The following RAD51B variants were observed in gnomAD, a reference collection of about 807,000 sequenced individuals.
RAD51B encodes the protein RAD51 paralog B, also known as DNA repair protein RAD51 homolog 2.
A neutral mutation model predicts 42.2 loss-of-function variants in RAD51B; 38 were observed. That is an observed-to-expected ratio of 0.90 (90% CI 0.70 to 1.18). The LOEUF (loss-of-function observed/expected upper bound fraction) is 1.18, where lower values mean the gene tolerates loss of function less well. RAD51B is among the 50% of genes most tolerant of loss of function. RAD51B has a pLI of 0.00. For missense variants in RAD51B, 373 were observed against 400.7 expected (o/e 0.93, Z 0.59); for synonymous variants, 154 against 145.2 (o/e 1.06, Z -0.43).
At chr14:67,970,367 A>G (rs1163086112) in intron 7 of RAD51B, among the ~76,000 whole-genome samples, 2 of 152,168 alleles carry the variant, frequency 1.3e-5, no homozygotes, top group Admixed American at 6.5e-5. Context: ...TAGGTAGAAC[A>G]GTGCTAAAAA....
chr14:68,524,729 A>G (rs1321272096), intron 10 of RAD51B, among the ~76,000 whole-genome samples: 2 of 152,230 alleles, frequency 1.3e-5, no homozygotes, highest in Non-Finnish European at 2.9e-5. Flanking sequence ...AGGTTCTGAC[A>G]GGGAGCAGAA....
chr14:68,064,423 C>T (rs764569369), intron 7 of RAD51B, among the ~76,000 whole-genome samples: 6 of 152,098 alleles, frequency 3.9e-5, no homozygotes, highest in South Asian at 2.1e-4. Flanking sequence ...TAATGTGCCT[C>T]GGAGAGGACC....
chr14:68,202,957 C>T (rs990967508), intron 7 of RAD51B, among the ~76,000 whole-genome samples: 2 of 152,122 alleles, frequency 1.3e-5, no homozygotes, highest in Non-Finnish European at 2.9e-5. Context: ...ACTTCTAATT[C>T]TAGTTCTTTT....
At chr14:68,153,100 C>T (rs747340528) in intron 7 of RAD51B, among the ~76,000 whole-genome samples, 1 of 152,052 alleles carries the variant, frequency 6.6e-6, no homozygotes, top group Non-Finnish European at 1.5e-5. Context: ...GATTTATATT[C>T]CTTTGGGTAT....
intron 8 of RAD51B, 84 bp from the exon 9 acceptor site, chr14:68,411,340 G>C (rs971543907): frequency 1.4e-5 from 16 of 1,125,980 alleles, no homozygotes; most frequent in Non-Finnish European, 2.0e-5. Flanking sequence ...CTGGACTACT[G>C]GCAATGAGTA....
intron 7 of RAD51B, among the ~76,000 whole-genome samples, chr14:67,947,570 A>G (rs1054542831): frequency 5.9e-5 from 9 of 152,132 alleles, no homozygotes; most frequent in African/African-American, 1.9e-4. Context: ...AGTTGTTTTT[A>G]TATTCATAAT....
chr14:67,907,719 A>C (rs2043823940), intron 7 of RAD51B, among the ~76,000 whole-genome samples: 1 of 152,090 alleles, frequency 6.6e-6, no homozygotes, highest in South Asian at 2.1e-4. Context: ...TTACAGGGAG[A>C]GAATATGTCC....
At chr14:68,100,524 C>T (rs541282371) in intron 7 of RAD51B, among the ~76,000 whole-genome samples, 5 of 152,212 alleles carry the variant, frequency 3.3e-5, no homozygotes, top group African/African-American at 1.2e-4. Flanking sequence ...ACTTTCATTA[C>T]GGCCTGGTCT....
At chr14:68,290,079 G>T (rs965170396) in intron 7 of RAD51B, among the ~76,000 whole-genome samples, 2 of 152,172 alleles carry the variant, frequency 1.3e-5, no homozygotes, top group African/African-American at 4.8e-5. Flanking sequence ...GATTTATAAT[G>T]TGTCACTGGT....
chr14:68,445,827 G>A (rs78313900), intron 9 of RAD51B, among the ~76,000 whole-genome samples: 1 of 152,292 alleles, frequency 6.6e-6, no homozygotes, highest in African/African-American at 2.4e-5. Flanking sequence ...TGATTGACTT[G>A]GTGAATGAGA....
intron 7 of RAD51B, among the ~76,000 whole-genome samples, chr14:67,947,449 C>T (rs2045434279): frequency 6.6e-6 from 1 of 152,122 alleles, no homozygotes; most frequent in Admixed American, 6.5e-5. Context: ...TTCGGTTTAC[C>T]TTGTGTCCTT....
At position 68,075,872 on chromosome 14, in the gene RAD51B, C is replaced by G. The variant is rs112807772; in HGVS notation, c.756+188668C>G. Reference sequence around the variant, plus strand: ...GCAAAGCCCTTTGTTCCTTCCCCAGCCTAGAGCAATAAGGGCAGTCCTGCT... The same window carrying G: ...GCAAAGCCCTTTGTTCCTTCCCCAGGCTAGAGCAATAAGGGCAGTCCTGCT... On this transcript the variant is annotated intron_variant, in intron 7 of 10. Transcript: ENST00000471583. Among the ~76,000 whole-genome samples the G allele has an allele frequency of 1.6e-3, 250 of 152,336 alleles. 1 individual carries two copies. Among genetic ancestry groups the G allele is most frequent in the African/African-American group, 5.9e-3 (244 of 41,576 alleles).
chr14:68,564,800 C>T (rs1889341097), intron 10 of RAD51B, among the ~76,000 whole-genome samples: 2 of 152,202 alleles, frequency 1.3e-5, no homozygotes. Flanking sequence ...CTGGCATCTC[C>T]CACTGAAAGA....
At chr14:67,901,532 A>C (rs1037593285) in intron 7 of RAD51B, among the ~76,000 whole-genome samples, 2 of 152,170 alleles carry the variant, frequency 1.3e-5, no homozygotes, top group Non-Finnish European at 2.9e-5. Flanking sequence ...CTGTTGAACA[A>C]TAGACCTCTC....
intron 9 of RAD51B, among the ~76,000 whole-genome samples, chr14:68,458,861 G>GT (rs1437442485): frequency 6.6e-6 from 1 of 152,092 alleles, no homozygotes; most frequent in Non-Finnish European, 1.5e-5. Flanking sequence ...TTCCAGCACT[G>GT]TATTACTTCT....
intron 7 of RAD51B, among the ~76,000 whole-genome samples, chr14:68,229,156 T>C (rs2140979024): frequency 6.6e-6 from 1 of 152,344 alleles, no homozygotes; most frequent in Middle Eastern, 3.4e-3. Context: ...AGTTGAAAGT[T>C]CATTTGTAAA....
At chr14:67,916,438 C>T (rs943312973) in intron 7 of RAD51B, among the ~76,000 whole-genome samples, 8 of 152,156 alleles carry the variant, frequency 5.3e-5, no homozygotes, top group East Asian at 1.9e-4. Flanking sequence ...GACGGGGTTT[C>T]GCCATGTTGC....
chr14:68,281,100 T>C (rs2081311942), intron 7 of RAD51B, among the ~76,000 whole-genome samples: 1 of 151,056 alleles, frequency 6.6e-6, no homozygotes, highest in Non-Finnish European at 1.5e-5. Context: ...AAGTAAAGTA[T>C]GAGTATTAAG....
intron 7 of RAD51B, among the ~76,000 whole-genome samples, chr14:67,913,935 C>G (rs1164973561): frequency 6.6e-6 from 1 of 152,116 alleles, no homozygotes; most frequent in African/African-American, 2.4e-5. Flanking sequence ...CTCTCCACTA[C>G]TCTTCCCAAC....
Sources: allele counts gnomAD v4.1 joint callset (sites outside exome capture counted in the v4.1 genomes callset), GRCh38; gene constraint gnomAD v4.1.1; transcripts MANE v1.5; gene names NCBI Gene and HGNC (gene_info 2026-07-23, HGNC 2026-07-21).